The following CTNNA2 variants were observed in gnomAD, a reference collection of about 807,000 sequenced individuals.
The protein encoded by CTNNA2 is catenin alpha-2.
CTNNA2 carries 42 observed loss-of-function variants against 101.0 expected under a neutral mutation model. That is an observed-to-expected ratio of 0.42 (90% CI 0.32 to 0.54). CTNNA2 has a LOEUF of 0.54. Ranked by LOEUF, CTNNA2 falls within the 20% of genes least tolerant of loss-of-function variation. The probability of loss-of-function intolerance (pLI) is 0.14; values close to 1 mark genes in which losing one functional copy is unlikely to be tolerated. For synonymous variants in CTNNA2, 450 were observed against 456.4 expected, an observed-to-expected ratio of 0.99 and a Z score of 0.18; for missense variants, 871 against 1,223.1, an observed-to-expected ratio of 0.71 and a Z score of 4.29.
At chr2:79,287,376 C>G (rs1379723960) in intron 2 of CTNNA2, among the ~76,000 whole-genome samples, 2 of 152,154 alleles carry the variant, frequency 1.3e-5, no homozygotes, top group Non-Finnish European at 2.9e-5. Flanking sequence ...TTTTCCCCAT[C>G]TTTGTGGTTT....
At chr2:79,873,306 C>T (rs1164320178) in intron 5 of CTNNA2, among the ~76,000 whole-genome samples, 1 of 152,104 alleles carries the variant, frequency 6.6e-6, no homozygotes, top group African/African-American at 2.4e-5. Context: ...TTTATATTAT[C>T]TCAGCAATAT....
intron 9 of CTNNA2, among the ~76,000 whole-genome samples, chr2:80,534,489 G>A (rs947081273): frequency 6.6e-6 from 1 of 152,166 alleles, no homozygotes; most frequent in Non-Finnish European, 1.5e-5. Flanking sequence ...GTGGGAGTTA[G>A]TAAATTCAAA....
At chr2:79,955,630 C>T (rs1480700631) in intron 7 of CTNNA2, among the ~76,000 whole-genome samples, 1 of 152,208 alleles carries the variant, frequency 6.6e-6, no homozygotes, top group Non-Finnish European at 1.5e-5. Flanking sequence ...ACAGCCTTGA[C>T]CTTCCAGGCT....
At chr2:79,232,391 T>G (rs1674504012) in intron 2 of CTNNA2, among the ~76,000 whole-genome samples, 1 of 152,216 alleles carries the variant, frequency 6.6e-6, no homozygotes, top group Admixed American at 6.5e-5. Flanking sequence ...ACCAACCTTG[T>G]ATTCCTGAAA....
chr2:79,605,555 A>G (rs1677831299), intron 1 of CTNNA2, among the ~76,000 whole-genome samples: 1 of 151,900 alleles, frequency 6.6e-6, no homozygotes, highest in African/African-American at 2.4e-5. Context: ...GTCAGAGGGG[A>G]AAAATACATT....
intron 7 of CTNNA2, among the ~76,000 whole-genome samples, chr2:79,966,225 T>C (rs1690047517): frequency 1.3e-5 from 2 of 152,196 alleles, no homozygotes; most frequent in Admixed American, 1.3e-4. Context: ...GTCTTATATA[T>C]ATATATGTGT....
chr2:79,306,539 A>T (rs986582129), intron 2 of CTNNA2, among the ~76,000 whole-genome samples: 1 of 152,240 alleles, frequency 6.6e-6, no homozygotes, highest in Non-Finnish European at 1.5e-5. Context: ...ATAACACTCC[A>T]TCCTTCTAAT....
chr2:80,035,589 A>G (rs1574598834), intron 7 of CTNNA2, among the ~76,000 whole-genome samples: 1 of 152,316 alleles, frequency 6.6e-6, no homozygotes, highest in East Asian at 1.9e-4. Context: ...GAAGTCCCAG[A>G]GTGCCTGAGG....
chr2:79,526,097 G>A (rs1467155763), intron 1 of CTNNA2, among the ~76,000 whole-genome samples: 1 of 151,856 alleles, frequency 6.6e-6, no homozygotes, highest in Non-Finnish European at 1.5e-5. Flanking sequence ...ACCAAGGCAA[G>A]TTAATACCAT....
intron 7 of CTNNA2, among the ~76,000 whole-genome samples, chr2:79,944,933 T>G (rs574205295): frequency 6.6e-6 from 1 of 152,346 alleles, no homozygotes; most frequent in East Asian, 1.9e-4. Flanking sequence ...CAACATTTGT[T>G]TGCAGGAATA....
At chr2:80,150,099 A>G (rs1703600192) in intron 7 of CTNNA2, among the ~76,000 whole-genome samples, 1 of 152,044 alleles carries the variant, frequency 6.6e-6, no homozygotes. Flanking sequence ...TTGTTGCCAC[A>G]CTGTGGAAAA....
chr2:79,776,374 CAG>C (rs1397944558), intron 3 of CTNNA2, among the ~76,000 whole-genome samples: 1 of 152,092 alleles, frequency 6.6e-6, no homozygotes. Context: ...TCCATGGTAA[CAG>C]ATACAAAATC....
chr2:80,042,827 CCTTGTTTATAAAATCA>C (rs1156687641), intron 7 of CTNNA2, among the ~76,000 whole-genome samples: 1 of 152,106 alleles, frequency 6.6e-6, no homozygotes, highest in Non-Finnish European at 1.5e-5. Flanking sequence ...TGACTCAAAA[CCTTGTTTATAAAATCA>C]TAGGGAATGT....
chr2:79,669,960 T>C (rs1321466435), intron 2 of CTNNA2, among the ~76,000 whole-genome samples: 1 of 152,120 alleles, frequency 6.6e-6, no homozygotes, highest in Non-Finnish European at 1.5e-5. Flanking sequence ...GGTGGGGCCT[T>C]ACTGGGGACC....
chr2:80,130,731 G>T (rs892888169), intron 7 of CTNNA2, among the ~76,000 whole-genome samples: 1 of 151,656 alleles, frequency 6.6e-6, no homozygotes, highest in African/African-American at 2.4e-5. Context: ...TTTGAAGACT[G>T]TGTTTGTTAT....
chr2:80,630,198 T>C (rs559006727), intron 18 of CTNNA2, among the ~76,000 whole-genome samples: 3 of 152,318 alleles, frequency 2.0e-5, no homozygotes, highest in African/African-American at 4.8e-5. Flanking sequence ...AGTGAAAATA[T>C]TGTCTGAAAT....
At chr2:80,177,858 A>G (rs1188022181) in intron 7 of CTNNA2, among the ~76,000 whole-genome samples, 1 of 152,198 alleles carries the variant, frequency 6.6e-6, no homozygotes, top group Non-Finnish European at 1.5e-5. Context: ...GAATGAGTAT[A>G]TAATCACACA....
intron 16 of CTNNA2, chr2:80,605,748 CATTTTA>C (rs1335189535): frequency 1.3e-5 from 2 of 152,000 alleles, no homozygotes. Context: ...AACGAATTCT[CATTTTA>C]ATTTTATTTT....
intron 4 of CTNNA2, among the ~76,000 whole-genome samples, chr2:79,437,448 T>C (rs1678729425): frequency 6.6e-6 from 1 of 152,012 alleles, no homozygotes; most frequent in African/African-American, 2.4e-5. Context: ...GCACCACATT[T>C]TGAGTAGCAA....
Sources: gnomAD v4.1 joint callset for allele counts (sites outside exome capture counted in the v4.1 genomes callset) on GRCh38, gnomAD v4.1.1 for gene constraint, MANE v1.5 for transcripts, NCBI Gene and HGNC (gene_info 2026-07-23, HGNC 2026-07-21) for gene names.